Variants in ESR1 observed in about 807,000 individuals in gnomAD.
ESR1 encodes the protein estrogen receptor.
In ESR1, 12 loss-of-function variants were observed where a neutral mutation model predicts 52.7. The ratio of observed to expected loss-of-function variants is 0.23; its 90% CI spans 0.15 to 0.37. The LOEUF (loss-of-function observed/expected upper bound fraction) is 0.37, where lower values mean the gene tolerates loss of function less well. Among genes scored for constraint, ESR1 ranks in the 10% least tolerant of loss-of-function variants. The probability of loss-of-function intolerance (pLI) is 1.00; values close to 1 mark genes in which losing one functional copy is unlikely to be tolerated. For synonymous variants in ESR1, 305 were observed against 316.8 expected (o/e 0.96, Z 0.39); for missense variants, 584 against 779.7 (o/e 0.75, Z 2.99).
intron 4 of ESR1, among the ~76,000 whole-genome samples, chr6:151,991,374 A>C (rs763180458): frequency 6.6e-6 from 1 of 152,164 alleles, no homozygotes; most frequent in Non-Finnish European, 1.5e-5. Flanking sequence ...GAAATTCAGG[A>C]AGAATTTGAC....
intron 3 of ESR1, among the ~76,000 whole-genome samples, chr6:151,918,934 A>G (rs1212351999): frequency 6.6e-6 from 1 of 152,214 alleles, no homozygotes; most frequent in Admixed American, 6.5e-5. Context: ...TAGCAATAAG[A>G]TTTGTTACTT....
intron 1 of ESR1, chr6:151,690,776 A>T (rs747478894): frequency 1.3e-5 from 2 of 152,132 alleles, no homozygotes; most frequent in Admixed American, 1.3e-4. Flanking sequence ...AAAAATGTTC[A>T]TTTTTTTGTC....
chr6:151,817,833 T>C (rs1425703225), intron 1 of ESR1, among the ~76,000 whole-genome samples: 1 of 152,170 alleles, frequency 6.6e-6, no homozygotes, highest in Non-Finnish European at 1.5e-5. Flanking sequence ...TTCCCTCTGG[T>C]TCATCAGAGA....
upstream of ESR1, among the ~76,000 whole-genome samples, chr6:151,800,620 C>A (rs1179340613): frequency 2.0e-5 from 3 of 152,170 alleles, no homozygotes; most frequent in Non-Finnish European, 2.9e-5. Context: ...GGACCCACCC[C>A]AACCCCACAC....
chr6:151,696,993 T>A (rs2115388326), intron 1 of ESR1, among the ~76,000 whole-genome samples: 1 of 152,268 alleles, frequency 6.6e-6, no homozygotes, highest in South Asian at 2.1e-4. Context: ...ACCATCAGTC[T>A]GACAGAAACA....
chr6:152,076,650 A>T (rs2048758333), intron 6 of ESR1, among the ~76,000 whole-genome samples: 3 of 152,174 alleles, frequency 2.0e-5, no homozygotes, highest in Admixed American at 6.5e-5. Flanking sequence ...TATGAACAAT[A>T]AAGTCCAGGC....
chr6:151,744,888 A>G (rs911562825), intron 2 of ESR1, among the ~76,000 whole-genome samples: 1 of 152,198 alleles, frequency 6.6e-6, no homozygotes, highest in African/African-American at 2.4e-5. Context: ...TGACTTGTAT[A>G]TGGTGTGAGG....
At chr6:151,994,343 G>A (rs1051592471) in intron 4 of ESR1, among the ~76,000 whole-genome samples, 10 of 152,068 alleles carry the variant, frequency 6.6e-5, no homozygotes, top group African/African-American at 2.4e-4. Flanking sequence ...CATTAATGCT[G>A]GCTCTTTAAG....
intron 4 of ESR1, among the ~76,000 whole-genome samples, chr6:151,968,149 G>A (rs7744231): frequency 0.019 from 2,859 of 151,796 alleles, 73 homozygotes; most frequent in East Asian, 0.11. Context: ...TTGACAAACC[G>A]GACAAAAACA....
intron 6 of ESR1, among the ~76,000 whole-genome samples, chr6:152,114,939 T>C (rs970172305): frequency 1.4e-5 from 2 of 143,826 alleles, no homozygotes; most frequent in Non-Finnish European, 3.0e-5. Flanking sequence ...TTTCCTCATA[T>C]AAGAACTGAA....
At chr6:151,917,912 T>C (rs1432990001) in intron 3 of ESR1, among the ~76,000 whole-genome samples, 1 of 152,248 alleles carries the variant, frequency 6.6e-6, no homozygotes, top group African/African-American at 2.4e-5. Context: ...CCTACGTATT[T>C]GCTTTGCAGA....
chr6:151,970,642 C>T (rs1362477289), intron 4 of ESR1, among the ~76,000 whole-genome samples: 1 of 152,130 alleles, frequency 6.6e-6, no homozygotes, highest in Non-Finnish European at 1.5e-5. Context: ...CATGGGGGAA[C>T]ACCAGACAGC....
At chr6:151,676,200 C>A (rs1778246392) in intron 1 of ESR1, among the ~76,000 whole-genome samples, 1 of 152,136 alleles carries the variant, frequency 6.6e-6, no homozygotes, top group Non-Finnish European at 1.5e-5. Flanking sequence ...AGGAGGCCAG[C>A]CTGCTTCACT....
At chr6:152,044,918 C>T (rs1262203518) in intron 5 of ESR1, among the ~76,000 whole-genome samples, 1 of 152,220 alleles carries the variant, frequency 6.6e-6, no homozygotes, top group East Asian at 1.9e-4. Flanking sequence ...CATTGACACT[C>T]AGTATTAACC....
In ESR1 at chr6:151,673,153, T is replaced by G. The variant is rs146461354; in HGVS notation, n.73+16390T>G. Among the ~76,000 whole-genome samples the G allele has an allele frequency of 3.0e-3, 462 of 152,248 alleles. 4 individuals carry two copies. The highest frequency in any genetic ancestry group is 0.011 in the African/African-American group (440 of 41,570). On this transcript the variant is annotated intron_variant and non_coding_transcript_variant, in intron 1 of 2. Transcript: ENST00000473497. ...ATGATCAAATTTTGTAAATGGTTGATGGATAGATGAAAAAAATTCTCTAAT... is the reference window on the plus strand; with the variant it reads ...ATGATCAAATTTTGTAAATGGTTGAGGGATAGATGAAAAAAATTCTCTAAT...
At chr6:151,830,953 G>A (rs1279039221) in intron 1 of ESR1, among the ~76,000 whole-genome samples, 1 of 152,016 alleles carries the variant, frequency 6.6e-6, no homozygotes, top group East Asian at 1.9e-4. Flanking sequence ...GGTATTATCT[G>A]TAATCATATT....
intron 3 of ESR1, among the ~76,000 whole-genome samples, chr6:151,884,030 A>C (rs544276470): frequency 6.6e-6 from 1 of 152,310 alleles, no homozygotes; most frequent in East Asian, 1.9e-4. Context: ...TACACAATTC[A>C]GTATGTGGCA....
At chr6:151,997,975 T>A (rs2041638162) in intron 4 of ESR1, among the ~76,000 whole-genome samples, 1 of 152,148 alleles carries the variant, frequency 6.6e-6, no homozygotes, top group Admixed American at 6.6e-5. Flanking sequence ...CTCTTCTTGT[T>A]ACTTCTTGGC....
Position 151,972,780 on chromosome 6 carries a change from G to A in ESR1, c.1096+28272G>A, listed in dbSNP as rs111438274. Among the ~76,000 whole-genome samples the A allele has an allele frequency of 7.2e-3, 1,100 of 152,188 alleles. 10 individuals carry two copies. The highest frequency in any genetic ancestry group is 0.019 in the African/African-American group (794 of 41,510). On this transcript the variant is annotated intron_variant, in intron 4 of 7. Transcript: ENST00000206249. ...ACAAGGTTGGGTTCCGCAATAGGCC[G>A]TCTGCAAGCTGAAGAGCAAGGAAGC...
Sources: allele counts gnomAD v4.1 joint callset (sites outside exome capture counted in the v4.1 genomes callset), GRCh38; gene constraint gnomAD v4.1.1; transcripts MANE v1.5; gene names NCBI Gene and HGNC (gene_info 2026-07-23, HGNC 2026-07-21).